KCNMA1: variants seen among roughly 807,000 people sequenced by gnomAD.
KCNMA1 encodes Calcium-activated potassium channel subunit alpha-1.
In KCNMA1, 29 loss-of-function variants were observed where a neutral mutation model predicts 140.0. The ratio of observed to expected loss-of-function variants is 0.21; its 90% CI spans 0.15 to 0.28. KCNMA1 has a LOEUF of 0.28. Ranked by LOEUF, KCNMA1 falls within the 10% of genes least tolerant of loss-of-function variation. The pLI, the probability that KCNMA1 is intolerant of heterozygous loss-of-function variation, is 1.00. For synonymous variants in KCNMA1, 612 were observed against 611.9 expected, an observed-to-expected ratio of 1.00 and a Z score of 0.00; for missense variants, 880 against 1,602.2, an observed-to-expected ratio of 0.55 and a Z score of 7.70.
At chr10:77,000,703 C>G (rs1291448317) in intron 19 of KCNMA1, among the ~76,000 whole-genome samples, 1 of 151,744 alleles carries the variant, frequency 6.6e-6, no homozygotes, top group African/African-American at 2.4e-5. Flanking sequence ...ATTAATGGAA[C>G]AGTCCTTCAA....
At chr10:77,461,449 C>T (rs958921834) in intron 1 of KCNMA1, among the ~76,000 whole-genome samples, 12 of 152,128 alleles carry the variant, frequency 7.9e-5, no homozygotes, top group East Asian at 1.9e-4. Context: ...AGAAGCCAAG[C>T]GACTTATTCA....
intron 2 of KCNMA1, among the ~76,000 whole-genome samples, chr10:77,307,855 C>T (rs2154340373): frequency 6.6e-6 from 1 of 152,262 alleles, no homozygotes; most frequent in South Asian, 2.1e-4. Flanking sequence ...GGCCTAAACA[C>T]ATTTTTAACT....
At chr10:77,454,755 G>A (rs1265194122) in intron 1 of KCNMA1, among the ~76,000 whole-genome samples, 1 of 152,200 alleles carries the variant, frequency 6.6e-6, no homozygotes, top group Non-Finnish European at 1.5e-5. Flanking sequence ...TGTCATGGTT[G>A]CAGCCTTCCA....
intron 1 of KCNMA1, among the ~76,000 whole-genome samples, chr10:77,448,209 A>C (rs1028733009): frequency 2.6e-5 from 4 of 152,154 alleles, no homozygotes; most frequent in African/African-American, 9.7e-5. Context: ...GGGCAGCTGC[A>C]GCCCCTCAAG....
chr10:77,218,849 G>T (rs1375681912), intron 3 of KCNMA1, among the ~76,000 whole-genome samples: 1 of 152,046 alleles, frequency 6.6e-6, no homozygotes, highest in African/African-American at 2.4e-5. Context: ...ACCATATCCG[G>T]CTAATTTTTG....
intron 26 of KCNMA1, 79 bp from the exon 27 acceptor site, chr10:76,889,648 T>C: frequency 8.9e-7 from 1 of 1,125,830 alleles, no homozygotes; most frequent in Non-Finnish European, 1.4e-6. Context: ...AAACGGGTCT[T>C]TTCATCAAAG....
intron 1 of KCNMA1, among the ~76,000 whole-genome samples, chr10:77,471,208 T>C (rs1320725992): frequency 3.2e-5 from 4 of 123,404 alleles, no homozygotes; most frequent in Non-Finnish European, 5.1e-5. Flanking sequence ...CAACACACAC[T>C]ACACAACACA....
At chr10:77,260,905 A>G (rs2061827215) in intron 2 of KCNMA1, among the ~76,000 whole-genome samples, 1 of 152,200 alleles carries the variant, frequency 6.6e-6, no homozygotes, top group South Asian at 2.1e-4. Context: ...GTCATAAGAA[A>G]GTGAGATGGA....
intron 16 of KCNMA1, among the ~76,000 whole-genome samples, chr10:77,027,260 AAAAT>A (rs1373825961): frequency 6.6e-5 from 10 of 152,208 alleles, no homozygotes; most frequent in South Asian, 2.1e-4. Flanking sequence ...AATTAAGTGT[AAAAT>A]AAATAAATAA....
At chr10:77,573,241 A>G (rs1257692585) in intron 1 of KCNMA1, among the ~76,000 whole-genome samples, 1 of 152,190 alleles carries the variant, frequency 6.6e-6, no homozygotes, top group African/African-American at 2.4e-5. Flanking sequence ...AGAGGAGAGG[A>G]GCATGAAACA....
In KCNMA1 at chr10:77,094,992, G is replaced by A. The variant is rs181663305; in HGVS notation, c.1224-4482C>T. On this transcript the variant is annotated intron_variant, in intron 9 of 27. Coordinates refer to ENST00000286628, the MANE Select transcript of KCNMA1 (RefSeq NM_001161352.2). ...TGAGATTACAGGCATGAGCCACCGC[G>A]CCCTACCCCAAATGTCTATTTTAGA... Among the ~76,000 whole-genome samples the A allele has an allele frequency of 4.0e-3, 612 of 152,214 alleles. 1 individual carries two copies. The highest frequency in any genetic ancestry group is 5.8e-3 in the Non-Finnish European group (397 of 68,006).
chr10:77,427,976 C>A (rs2097061102), intron 1 of KCNMA1, among the ~76,000 whole-genome samples: 1 of 152,080 alleles, frequency 6.6e-6, no homozygotes, highest in African/African-American at 2.4e-5. Context: ...TGGTCTTGAT[C>A]TCCTGACCTT....
intron 24 of KCNMA1, chr10:76,910,332 C>G (rs996931543): frequency 4.1e-6 from 2 of 490,234 alleles, no homozygotes; most frequent in Non-Finnish European, 7.6e-6. Flanking sequence ...CAGGCTTGCT[C>G]CACGGCAGGC....
intron 3 of KCNMA1, among the ~76,000 whole-genome samples, chr10:77,212,116 A>G (rs930294520): frequency 1.3e-5 from 2 of 152,242 alleles, no homozygotes; most frequent in Non-Finnish European, 2.9e-5. Flanking sequence ...AAAGGAAACT[A>G]GATAATTATA....
chr10:76,912,402 T>C (rs2050717959), intron 24 of KCNMA1: 1 of 152,212 alleles, frequency 6.6e-6, no homozygotes, highest in Non-Finnish European at 1.5e-5. Context: ...TAAAATTCAT[T>C]ATACTGGCCT....
intron 2 of KCNMA1, among the ~76,000 whole-genome samples, chr10:77,284,390 T>G (rs1312673417): frequency 1.3e-5 from 2 of 152,160 alleles, no homozygotes; most frequent in African/African-American, 4.8e-5. Context: ...AAAAATTTAA[T>G]GGGCTAGGTC....
intron 25 of KCNMA1, among the ~76,000 whole-genome samples, chr10:76,897,267 G>A (rs1053192665): frequency 2.7e-5 from 4 of 150,744 alleles, no homozygotes; most frequent in Non-Finnish European, 5.9e-5. Context: ...TCCTGAGCTG[G>A]GAAATGAATC....
intron 1 of KCNMA1, among the ~76,000 whole-genome samples, chr10:77,612,957 C>T (rs934392690): frequency 7.2e-5 from 11 of 152,096 alleles, no homozygotes; most frequent in African/African-American, 2.7e-4. Context: ...GCAATAGATG[C>T]TCAATAACTG....
At chr10:77,085,804 C>A (rs1477681963) in intron 11 of KCNMA1, among the ~76,000 whole-genome samples, 3 of 151,936 alleles carry the variant, frequency 2.0e-5, no homozygotes, top group Middle Eastern at 3.2e-3. Flanking sequence ...TAATGTACAC[C>A]CCCTGGCATG....
Sources: allele counts gnomAD v4.1 joint callset (sites outside exome capture counted in the v4.1 genomes callset), GRCh38; gene constraint gnomAD v4.1.1; transcripts MANE v1.5; gene names NCBI Gene and HGNC (gene_info 2026-07-23, HGNC 2026-07-21).